The following PTGIR variants were observed in gnomAD, a reference collection of about 807,000 sequenced individuals.
The protein encoded by PTGIR is prostaglandin I2 receptor.
A neutral mutation model predicts 17.6 loss-of-function variants in PTGIR; 16 were observed. The ratio of observed to expected loss-of-function variants is 0.91; its 90% confidence interval spans 0.61 to 1.38. The LOEUF (loss-of-function observed/expected upper bound fraction) is 1.38. PTGIR is among the 40% of genes most tolerant of loss of function. PTGIR has a pLI of 0.00. For synonymous variants in PTGIR, 274 were observed against 255.4 expected (o/e 1.07, Z -0.69); for missense variants, 532 against 548.6 (o/e 0.97, Z 0.30).
rs779323605 is a variant in PTGIR, at chr19:46,623,823, A to C, written c.403T>G (p.Cys135Gly). 9.3e-6 allele frequency: 15 copies of C among 1,606,784 alleles called. No individual in the cohort carries two copies. The highest frequency in any genetic ancestry group is 3.3e-4 in the Middle Eastern group (2 of 6,010). ...YLYAQLDGPR[C>G]ARLALPAIYA... ...ATGGCTGGCAGCGCCAGGCGGGCGC[A>C]GCGGGGCCCGTCCAGCTGCGCGTAG... The change falls in exon 2 of 3, where the codon TGC becomes GGC. Residue 135 changes from cysteine to glycine, a missense_variant. Cys to Gly is a radical substitution (Grantham distance 159). Coordinates refer to ENST00000291294, the MANE Select transcript of PTGIR (RefSeq NM_000960.4).
chr19:46,619,905 C>T (rs73940733), downstream of PTGIR, among the ~76,000 whole-genome samples: 1,192 of 152,194 alleles, frequency 7.8e-3, 14 homozygotes, highest in African/African-American at 0.027. Flanking sequence ...CCACCCTAAA[C>T]GCCTACTCAC....
the PTGIR span, among the ~76,000 whole-genome samples, chr19:46,613,027 C>CTT: frequency 2.6e-3 from 195 of 74,238 alleles, 9 homozygotes; most frequent in Non-Finnish European, 3.5e-3. Context: ...TTGTGCCAAA[C>CTT]TTTTTTTTTT....
At chr19:46,613,703 C>A in the PTGIR span, among the ~76,000 whole-genome samples, 2 of 152,178 alleles carry the variant, frequency 1.3e-5, no homozygotes, top group African/African-American at 4.8e-5. Context: ...AACGCAGCAC[C>A]CGCTCAAGGT....
chr19:46,623,883 C>A lies in PTGIR; in HGVS notation c.343G>T (p.Val115Leu), dbSNP rs750906794. ...ASMLILFAMAVERCLALSHPY... is the reference protein window; with the variant it reads ...ASMLILFAMALERCLALSHPY... ...TGGCTCAGCGCCAGGCAGCGCTCCA[C>A]GGCCATGGCAAAGAGGATGAGCATG... The change falls in exon 2 of 3, where the codon GTG becomes TTG. Residue 115 changes from valine to leucine, a missense_variant. Val to Leu is a conservative substitution (Grantham distance 32, BLOSUM62 1). Transcript: ENST00000291294. The A allele has an allele frequency of 5.6e-6, 9 of 1,610,474 alleles. No homozygotes were observed. The highest frequency in any genetic ancestry group is 6.8e-6 in the Non-Finnish European group (8 of 1,178,606).
the PTGIR span, among the ~76,000 whole-genome samples, chr19:46,611,920 C>T: frequency 2.6e-5 from 4 of 152,376 alleles, no homozygotes; most frequent in Admixed American, 6.5e-5. Flanking sequence ...GAGGTCCTTC[C>T]ACTCATCTGC....
Position 46,623,819 on chromosome 19 carries a change from G to A in PTGIR, c.407C>T (p.Ala136Val). The A allele has an allele frequency of 6.2e-7, 1 of 1,606,962 alleles. No homozygotes were observed. The highest frequency in any genetic ancestry group is 8.5e-7 in the Non-Finnish European group (1 of 1,178,210). The change falls in exon 2 of 3, where the codon GCC becomes GTC. Residue 136 changes from alanine (A) to valine (V), a missense_variant. Transcript: ENST00000291294. ...GTAGATGGCTGGCAGCGCCAGGCGG[G>A]CGCAGCGGGGCCCGTCCAGCTGCGC... ...LYAQLDGPRCARLALPAIYAF... is the reference protein window; with the variant it reads ...LYAQLDGPRCVRLALPAIYAF...
the PTGIR span, among the ~76,000 whole-genome samples, chr19:46,612,410 G>A: frequency 1.3e-5 from 2 of 152,232 alleles, no homozygotes; most frequent in Non-Finnish European, 2.9e-5. Context: ...GGTGCTTCCT[G>A]CTTCATGGGC....
At chr19:46,613,027 CTTTTTTTTTTTTTTT>C in the PTGIR span, among the ~76,000 whole-genome samples, 38 of 74,244 alleles carry the variant, frequency 5.1e-4, no homozygotes, top group African/African-American at 8.9e-4. Flanking sequence ...TTGTGCCAAA[CTTTTTTTTTTTTTTT>C]TTTTTTTTTT....
downstream of PTGIR, among the ~76,000 whole-genome samples, chr19:46,619,065 T>A (rs1972001852): frequency 6.6e-6 from 1 of 152,160 alleles, no homozygotes; most frequent in African/African-American, 2.4e-5. Flanking sequence ...GCAAGCTAAG[T>A]GCTAGATTAT....
In PTGIR at chr19:46,623,843, G is replaced by A. The variant is rs201125347; in HGVS notation, c.383C>T (p.Ala128Val). ...GGCGCAGCGGGGCCCGTCCAGCTGC[G>A]CGTAGAGGTAGGGGTGGCTCAGCGC... The part of the protein sequence containing the change: ...CLALSHPYLY[A>V]QLDGPRCARL... Residue 128 changes from alanine (A) to valine (V), a missense_variant, in exon 2 of 3, where the codon GCG (alanine) becomes GTG (valine). By Grantham distance (64) the Ala-to-Val change is moderately conservative. Transcript: ENST00000291294. 294 of 1,608,910 alleles carry A rather than the reference G, an allele frequency of 1.8e-4. No individual in the cohort carries two copies. Among genetic ancestry groups the A allele is most frequent in the Non-Finnish European group, 2.3e-4 (268 of 1,178,538 alleles).
chr19:46,611,416 G>A, the PTGIR span, among the ~76,000 whole-genome samples: 8 of 152,174 alleles, frequency 5.3e-5, no homozygotes, highest in Non-Finnish European at 1.0e-4. Flanking sequence ...GCCAAGTTTG[G>A]ATCTACAGTG....
chr19:46,614,604 C>T, the PTGIR span, among the ~76,000 whole-genome samples: 1 of 152,134 alleles, frequency 6.6e-6, no homozygotes, highest in Non-Finnish European at 1.5e-5. Flanking sequence ...ACACAGGGTG[C>T]GGTGGCTCAA....
In PTGIR at chr19:46,620,705, T is replaced by C. The variant is rs1972046807; in HGVS notation, c.*575A>G. 1.0e-6 allele frequency: 1 copy of C among 985,956 alleles called. No homozygotes were observed. The highest frequency in any genetic ancestry group is 1.2e-6 in the Non-Finnish European group (1 of 829,980). The allele number at this position is 985,956 out of a possible 1,614,324, so 61.1% of individuals were successfully genotyped here. On this transcript the variant is annotated 3_prime_UTR_variant, in exon 3 of 3. Transcript: ENST00000291294. ...ACATGTCCTACGTCATCACCCACAA[T>C]GCAGCAGCCTCCCCTTCCTCCCGTT...
Position 46,623,919 on chromosome 19 carries a change from C to G in PTGIR, c.307G>C (p.Gly103Arg). ...AAGAGGATGAGCATGGACGCCAGGC[C>G]GAAGAAGGTCATGGCGAAGGCGAAG... ...DAFAFAMTFF[G>R]LASMLILFAM... The change falls in exon 2 of 3, where the codon GGC (glycine) becomes CGC (arginine). Residue 103 changes from glycine to arginine, a missense_variant. Gly to Arg is a moderately radical substitution (Grantham distance 125). Transcript: ENST00000291294. 6.2e-7 allele frequency: 1 copy of G among 1,604,644 alleles called. No individual in the cohort carries two copies. Among genetic ancestry groups the G allele is most frequent in the Non-Finnish European group, 8.5e-7 (1 of 1,175,354 alleles).
chr19:46,613,093 G>C, the PTGIR span, among the ~76,000 whole-genome samples: 1 of 140,626 alleles, frequency 7.1e-6, no homozygotes, highest in African/African-American at 2.7e-5. Flanking sequence ...TCCCAGGCTG[G>C]AGTGCAATGG....
At chr19:46,616,136 C>T (rs764710493), downstream of PTGIR, among the ~76,000 whole-genome samples, 9 of 151,852 alleles carry the variant, frequency 5.9e-5, no homozygotes, top group Non-Finnish European at 1.2e-4. Flanking sequence ...ATTCAATCAC[C>T]CACGTGGATT....
rs1191198360 is a variant in PTGIR at position 46,621,953 on chromosome 19, G to A, written c.769-281C>T. 1.6e-6 allele frequency: 2 copies of A among 1,229,888 alleles called. No individual in the cohort carries two copies. Among genetic ancestry groups the A allele is most frequent in the African/African-American group, 3.1e-5 (2 of 65,254 alleles). 76.2% of individuals were successfully genotyped at this position (1,229,888 alleles called of 1,614,324 possible). Reference sequence around the variant, plus strand: ...ACCCTCGGGCTCCACAGATTTTTGAGTATAACGTCCCTGCAAGAAGGTGGC... The same window carrying A: ...ACCCTCGGGCTCCACAGATTTTTGAATATAACGTCCCTGCAAGAAGGTGGC... On this transcript the variant is annotated intron_variant, in intron 2 of 2. Transcript: ENST00000291294. The surrounding 1 kb of genome is among the most constrained non-coding windows in gnomAD (Gnocchi z 4.8).
At chr19:46,619,594 A>AG (rs1972021544), downstream of PTGIR, among the ~76,000 whole-genome samples, 4 of 127,190 alleles carry the variant, frequency 3.1e-5, no homozygotes, top group Admixed American at 8.6e-5. Flanking sequence ...AAAGAAAGAA[A>AG]AGAAAGAAAG....
Position 46,620,725 on chromosome 19 carries a change from C to A in PTGIR, c.*555G>T. 1 of 985,996 alleles carries A rather than the reference C, an allele frequency of 1.0e-6. No individual in the cohort carries two copies. Among genetic ancestry groups the A allele is most frequent in the Non-Finnish European group, 1.2e-6 (1 of 830,012 alleles). 61.1% of individuals were successfully genotyped at this position (985,996 alleles called of 1,614,324 possible). A position where few individuals can be genotyped will look rare whatever the true frequency, so the allele number is the denominator to read the frequency against. ...CACAATGCAGCAGCCTCCCCTTCCT[C>A]CCGTTGCCCCTTTGGGATGCCAGGG... is the stretch of plus-strand genomic sequence containing the variant. On this transcript the variant is annotated 3_prime_UTR_variant, in exon 3 of 3. Coordinates refer to ENST00000291294, the MANE Select transcript of PTGIR (RefSeq NM_000960.4).
Sources: allele counts gnomAD v4.1 joint callset (sites outside exome capture counted in the v4.1 genomes callset), GRCh38; gene constraint gnomAD v4.1.1; non-coding constraint Gnocchi (gnomAD v3.1); transcripts MANE v1.5; gene names NCBI Gene and HGNC (gene_info 2026-07-23, HGNC 2026-07-21).